COL1A2: variants seen among roughly 807,000 people sequenced by gnomAD.
The protein encoded by COL1A2 is collagen type I alpha 2 chain, also known as collagen alpha-2(I) chain.
Under a neutral mutation model 174.3 loss-of-function variants are expected in COL1A2, and 49 were observed. The observed-to-expected ratio is 0.28, with a 90% CI of 0.22 to 0.36. The LOEUF (loss-of-function observed/expected upper bound fraction) is 0.36, where lower values mean the gene tolerates loss of function less well. Among genes scored for constraint, COL1A2 ranks in the 10% least tolerant of loss-of-function variants. The pLI is 1.00. For missense variants in COL1A2, 1,438 were observed against 1,822.7 expected (o/e 0.79, Z 3.84); for synonymous variants, 655 against 606.6 (o/e 1.08, Z -1.17).
chr7:94,408,410 G>A (rs766013721), intron 15 of COL1A2, 30 bp downstream of exon 15: 13 of 1,612,964 alleles, frequency 8.1e-6, no homozygotes, highest in Non-Finnish European at 1.0e-5. Context: ...AGTTTGAAAG[G>A]AGTTGAGAAT....
chr7:94,426,416 T>G lies in COL1A2; in HGVS notation c.2998-7T>G. On this transcript the variant is annotated splice_region_variant and splice_polypyrimidine_tract_variant and intron_variant, in intron 45 of 51. Coordinates refer to ENST00000297268, the MANE Select transcript of COL1A2 (RefSeq NM_000089.4). ...TAAGTCTTATCCATCCTTCTGTTTC[T>G]TTATAGGGCCCACAAGGCATTCGTG... 2 of 1,584,296 alleles carry G rather than the reference T, an allele frequency of 1.3e-6. No individual in the cohort carries two copies. Among genetic ancestry groups the G allele is most frequent in the Non-Finnish European group, 1.7e-6 (2 of 1,164,598 alleles).
At chr7:94,421,144 A>T in intron 38 of COL1A2, 82 bp downstream of exon 38, 1 of 1,411,862 alleles carries the variant, frequency 7.1e-7, no homozygotes, top group Admixed American at 1.7e-5. Flanking sequence ...AATTTTTGGT[A>T]AATTTGGACT....
At chr7:94,409,210 A>C in intron 16 of COL1A2, 112 bp from the exon 17 acceptor site, 5 of 983,006 alleles carry the variant, frequency 5.1e-6, no homozygotes, top group Non-Finnish European at 8.2e-6. Flanking sequence ...TAAGAAAAAT[A>C]ATTGCAATTT....
chr7:94,422,859 T>C, intron 39 of COL1A2, 98 bp from the exon 40 acceptor site: 1 of 1,405,202 alleles, frequency 7.1e-7, no homozygotes, highest in Non-Finnish European at 1.0e-6. Flanking sequence ...TTTTATTGCA[T>C]CACATTGTTT....
chr7:94,413,114 A>T lies in COL1A2; in HGVS notation c.1535A>T (p.His512Leu). 1 of 1,614,214 alleles carries T rather than the reference A, an allele frequency of 6.2e-7. No individual in the cohort carries two copies. ...CCTGGCAAAAACGGTGATAAAGGTC[A>T]TGCTGGTCTTGCTGGTGCTCGGGTA... Reference protein sequence around the residue: ...GDPGKNGDKGHAGLAGARGAP... With the variant: ...GDPGKNGDKGLAGLAGARGAP... The change falls in exon 26 of 52, where the codon CAT becomes CTT. Residue 512 changes from histidine (H) to leucine (L), a missense_variant. Coordinates refer to ENST00000297268, the MANE Select transcript of COL1A2 (RefSeq NM_000089.4).
chr7:94,427,573 TC>T, intron 48 of COL1A2, 53 bp from the exon 49 acceptor site: 1 of 1,601,934 alleles, frequency 6.2e-7, no homozygotes, highest in Non-Finnish European at 8.5e-7. Flanking sequence ...GCCATGGATG[TC>T]TCTCACTGTA....
intron 51 of COL1A2, chr7:94,429,879 A>G (rs1203424474): frequency 3.7e-6 from 1 of 272,908 alleles, no homozygotes; most frequent in Non-Finnish European, 6.9e-6. Flanking sequence ...ATATAAGAAA[A>G]ATTAAAATTC....
intron 31 of COL1A2, 69 bp from the exon 32 acceptor site, chr7:94,417,655 C>A: frequency 1.5e-6 from 2 of 1,339,588 alleles, no homozygotes; most frequent in Non-Finnish European, 2.1e-6. Flanking sequence ...AATTGGAATT[C>A]TTCTAGAGTT....
At chr7:94,424,956 G>C (rs1792243280) in intron 41 of COL1A2, 161 bp from the exon 42 acceptor site, 2 of 681,254 alleles carry the variant, frequency 2.9e-6, no homozygotes, top group Non-Finnish European at 5.3e-6. Flanking sequence ...AAGGAGGGCA[G>C]AGATGATACT....
intron 6 of COL1A2, 46 bp downstream of exon 6, chr7:94,401,666 C>A: frequency 1.4e-6 from 2 of 1,406,428 alleles, no homozygotes; most frequent in South Asian, 2.4e-5. Context: ...CTAAATAAAT[C>A]ATTCATTTTA....
At chr7:94,414,797 C>T (rs1415097909) in intron 29 of COL1A2, among the ~76,000 whole-genome samples, 1 of 152,114 alleles carries the variant, frequency 6.6e-6, no homozygotes, top group Non-Finnish European at 1.5e-5. Context: ...ATTAAGGAGA[C>T]AGCTGGTCAG....
At chr7:94,397,822 T>C (rs1791613513) in intron 2 of COL1A2, 64 bp downstream of exon 2, 9 of 960,136 alleles carry the variant, frequency 9.4e-6, no homozygotes, top group South Asian at 7.3e-5. Flanking sequence ...AGTGATGTCT[T>C]CTCTTGGAAG....
chr7:94,425,323 A>C, intron 42 of COL1A2, 99 bp downstream of exon 42: 1 of 1,174,784 alleles, frequency 8.5e-7, no homozygotes, highest in Non-Finnish European at 1.3e-6. Context: ...AAATTTCTGA[A>C]CAAGATGGTC....
At chr7:94,400,336 G>C (rs201226249) in intron 5 of COL1A2, 48 bp downstream of exon 5, 1 of 1,493,052 alleles carries the variant, frequency 6.7e-7, no homozygotes, top group African/African-American at 1.4e-5. Flanking sequence ...TCAGTTGAAA[G>C]AAGGTTTATT....
chr7:94,417,671 C>T, intron 31 of COL1A2, 53 bp from the exon 32 acceptor site: 3 of 1,440,056 alleles, frequency 2.1e-6, no homozygotes, highest in Non-Finnish European at 2.9e-6. Context: ...GAGTTTGATT[C>T]TTCATTTTCT....
At position 94,417,730 on chromosome 7, in the gene COL1A2, C is replaced by T; in HGVS notation, c.1870C>T (p.Pro624Ser). Residue 624 changes from proline to serine, a missense_variant, in exon 32 of 52, where the codon CCT becomes TCT. Pro to Ser is a moderately conservative substitution (Grantham distance 74). Around this residue, in one of 3 missense-constraint regions of COL1A2, gnomAD observed 867 missense variants for 1,213.7 expected, o/e 0.71. Transcript: ENST00000297268. ...PPGPDGNKGE[P>S]GVVGAVGTAG... ...CACATGTGTTTGACTCAAGGGTGAA[C>T]CTGGTGTGGTTGGTGCTGTGGGCAC... The T allele has an allele frequency of 1.3e-6, 2 of 1,591,580 alleles. No individual in the cohort carries two copies. The highest frequency in any genetic ancestry group is 1.1e-5 in the South Asian group (1 of 87,122).
At chr7:94,395,548 AGCTTTTATCTTCTGG>A (rs1367654541) in intron 1 of COL1A2, 1 of 299,288 alleles carries the variant, frequency 3.3e-6, no homozygotes, top group East Asian at 9.4e-5. Context: ...ACCTCCTAAG[AGCTTTTATCTTCTGG>A]GCATTGTAAG....
intron 51 of COL1A2, chr7:94,430,018 T>C: frequency 3.5e-6 from 2 of 569,994 alleles, no homozygotes; most frequent in Non-Finnish European, 6.2e-6. Context: ...GAAATGTTGT[T>C]GGTTTTTTTG....
In COL1A2 at chr7:94,415,411, T is replaced by C. The variant is rs377526097; in HGVS notation, c.1764+141T>C. On this transcript the variant is annotated intron_variant, in intron 30 of 51. Transcript: ENST00000297268. The stretch of plus-strand genomic sequence containing the variant: ...GTCAAATGTAATCTGTAGAAAGCAT[T>C]AGATTTCTAAGTTGATAGTAGAATT... 1,201 of 754,730 alleles carry C rather than the reference T, an allele frequency of 1.6e-3. 25 individuals carry two copies. The South Asian group carries it at 0.019, about 12-fold the overall frequency. The allele number at this position is 754,730 out of a possible 1,614,324, so 46.8% of individuals were successfully genotyped here.
Sources: gnomAD v4.1 joint callset for allele counts (sites outside exome capture counted in the v4.1 genomes callset) on GRCh38, gnomAD v4.1.1 for gene constraint, gnomAD v4.1.1 regional missense constraint, MANE v1.5 for transcripts, NCBI Gene and HGNC (gene_info 2026-07-23, HGNC 2026-07-21) for gene names.